ATP10A: variants seen among roughly 807,000 people sequenced by gnomAD.
The protein encoded by ATP10A is phospholipid-transporting ATPase VA.
Under a neutral mutation model 147.8 loss-of-function variants are expected in ATP10A, and 111 were observed. That is an observed-to-expected ratio of 0.75 (90% CI 0.64 to 0.88). ATP10A has a LOEUF of 0.88. Among genes scored for constraint, ATP10A ranks in the 40% least tolerant of loss-of-function variants. The pLI is 0.00. For missense variants in ATP10A, 1,927 were observed against 1,959.0 expected (o/e 0.98, Z 0.31); for synonymous variants, 875 against 841.6 (o/e 1.04, Z -0.69).
intron 1 of ATP10A, among the ~76,000 whole-genome samples, chr15:25,808,533 C>T (rs190999212): frequency 1.4e-3 from 218 of 152,298 alleles, no homozygotes; most frequent in Non-Finnish European, 1.7e-3. Flanking sequence ...TACAGGCATG[C>T]GCCACCACGC....
intron 1 of ATP10A, among the ~76,000 whole-genome samples, chr15:25,801,099 G>C: frequency 6.6e-6 from 1 of 152,176 alleles, no homozygotes; most frequent in East Asian, 1.9e-4. Context: ...AGGTGCACAA[G>C]GGGTATCCCA....
At chr15:25,798,861 C>T (rs1430542615) in intron 1 of ATP10A, among the ~76,000 whole-genome samples, 12 of 152,168 alleles carry the variant, frequency 7.9e-5, no homozygotes, top group East Asian at 1.9e-4. Flanking sequence ...GTGCGCCTCC[C>T]GCATCCACCA....
chr15:25,718,632 G>A (rs986428425), intron 7 of ATP10A, among the ~76,000 whole-genome samples: 39 of 152,144 alleles, frequency 2.6e-4, no homozygotes, highest in African/African-American at 8.9e-4. Flanking sequence ...CTCAGAGAAC[G>A]TAAGGAGCTT....
chr15:25,779,793 A>C (rs1449491958), intron 2 of ATP10A, among the ~76,000 whole-genome samples: 1 of 152,144 alleles, frequency 6.6e-6, no homozygotes, highest in African/African-American at 2.4e-5. Context: ...GCCTTATTCC[A>C]AAAAGATTTG....
chr15:25,731,076 C>T (rs1902954829), intron 3 of ATP10A, among the ~76,000 whole-genome samples: 1 of 152,154 alleles, frequency 6.6e-6, no homozygotes, highest in South Asian at 2.1e-4. Context: ...TAGTGACAGC[C>T]CTGCTGTCTT....
At chr15:25,688,001 C>A (rs895776701) in intron 15 of ATP10A, 173 bp from the exon 16 acceptor site, 1 of 797,902 alleles carries the variant, frequency 1.3e-6, no homozygotes, top group South Asian at 1.5e-5. Flanking sequence ...CATCTCCTTC[C>A]GTTACAAAAG....
rs772163085 is a variant in ATP10A, at chr15:25,718,365, C to CGA, written c.1396_1397dup (p.Glu467ArgfsTer76). The CGA allele has an allele frequency of 3.7e-6, 6 of 1,607,672 alleles. No individual in the cohort carries two copies. The African/African-American group carries it at 8.0e-5, about 21-fold the overall frequency. On this transcript the variant is annotated frameshift_variant, in exon 8 of 21. Transcript: ENST00000555815. LOFTEE classifies it high-confidence loss of function. ...CTCTGGGCACCACCTCCTCCTCCTC[C>CGA]GAGTCTGCCTCTTGGTACCTGGCCA...
intron 14 of ATP10A, 23 bp downstream of exon 14, chr15:25,694,796 G>C: frequency 3.2e-6 from 5 of 1,581,608 alleles, no homozygotes; most frequent in Non-Finnish European, 4.3e-6. Context: ...GGAGGAGGCC[G>C]TCTGGCCAGC....
chr15:25,739,043 G>C (rs571341184), intron 2 of ATP10A, among the ~76,000 whole-genome samples: 2 of 152,120 alleles, frequency 1.3e-5, no homozygotes. Context: ...AGATTCTATA[G>C]AAACGTCCCC....
At chr15:25,829,883 A>T (rs1047365979) in intron 1 of ATP10A, among the ~76,000 whole-genome samples, 9 of 152,290 alleles carry the variant, frequency 5.9e-5, no homozygotes, top group South Asian at 2.1e-4. Context: ...ACTCCCAGGG[A>T]AGGGAAGACA....
At chr15:25,695,195 A>T (rs1900254275) in intron 13 of ATP10A, 49 bp from the exon 14 acceptor site, 1 of 1,528,120 alleles carries the variant, frequency 6.5e-7, no homozygotes, top group Non-Finnish European at 8.9e-7. Context: ...GTCATGCCAC[A>T]AACATCCCCG....
chr15:25,727,413 G>A (rs1312952895), intron 3 of ATP10A, 147 bp from the exon 4 acceptor site: 8 of 658,196 alleles, frequency 1.2e-5, no homozygotes, highest in South Asian at 3.8e-5. Flanking sequence ...GGGGGCCCCC[G>A]AGAGTGGGTG....
intron 2 of ATP10A, among the ~76,000 whole-genome samples, chr15:25,751,224 T>C (rs892033510): frequency 1.3e-5 from 2 of 152,102 alleles, no homozygotes. Context: ...CAGGGATTTA[T>C]AAAAGGGCCA....
At chr15:25,730,776 A>G (rs1409057858) in intron 3 of ATP10A, among the ~76,000 whole-genome samples, 1 of 152,218 alleles carries the variant, frequency 6.6e-6, no homozygotes, top group Non-Finnish European at 1.5e-5. Context: ...TAAATAATAA[A>G]TAAAAATAAA....
chr15:25,850,771 G>C (rs913877215), intron 1 of ATP10A, among the ~76,000 whole-genome samples: 37 of 151,994 alleles, frequency 2.4e-4, no homozygotes, highest in African/African-American at 8.7e-4. Context: ...GATCACATCT[G>C]AACAAAGGAT....
At position 25,679,162 on chromosome 15, in the gene ATP10A, T is replaced by C. The variant is rs1899219717; in HGVS notation, c.*179A>G. On this transcript the variant is annotated 3_prime_UTR_variant, in exon 21 of 21. Coordinates refer to ENST00000555815, the MANE Select transcript of ATP10A (RefSeq NM_024490.4). ...TATGTTAAGGCTCTTCTTTTTCTTTTCAATATACTCTACTTAGAATTTTAA... is the reference window on the plus strand; with the variant it reads ...TATGTTAAGGCTCTTCTTTTTCTTTCCAATATACTCTACTTAGAATTTTAA... 2 of 385,342 alleles carry C rather than the reference T, an allele frequency of 5.2e-6. No homozygotes were observed. The highest frequency in any genetic ancestry group is 5.0e-5 in the East Asian group (1 of 20,030). 23.9% of individuals were successfully genotyped at this position (385,342 alleles called of 1,614,324 possible).
chr15:25,694,908 G>C lies in ATP10A; in HGVS notation c.2999C>G (p.Ser1000Cys). ...KFLFLAKQCR[S>C]VLCCRSTPLQ... ...AGGCGTCGACCGACAGCAGAGGACGGAGCGGCACTGCTTGGCAAGGAAGAG... is the reference window on the plus strand; with the variant it reads ...AGGCGTCGACCGACAGCAGAGGACGCAGCGGCACTGCTTGGCAAGGAAGAG... The change falls in exon 14 of 21, where the codon TCC becomes TGC. Residue 1000 changes from serine (S) to cysteine (C), a missense_variant. Ser to Cys is a moderately radical substitution (Grantham distance 112, BLOSUM62 -1). Coordinates refer to ENST00000555815, the MANE Select transcript of ATP10A (RefSeq NM_024490.4). 1 of 1,614,192 alleles carries C rather than the reference G, an allele frequency of 6.2e-7. No individual in the cohort carries two copies. The highest frequency in any genetic ancestry group is 2.2e-5 in the East Asian group (1 of 44,860).
At chr15:25,729,962 G>A (rs1902857552) in intron 3 of ATP10A, among the ~76,000 whole-genome samples, 1 of 152,086 alleles carries the variant, frequency 6.6e-6, no homozygotes, top group Non-Finnish European at 1.5e-5. Flanking sequence ...GGGGATGACA[G>A]GAAGGACACT....
chr15:25,801,559 C>T (rs1024364570), intron 1 of ATP10A, among the ~76,000 whole-genome samples: 13 of 152,326 alleles, frequency 8.5e-5, no homozygotes, highest in African/African-American at 3.1e-4. Context: ...ATGCTCACTC[C>T]TGGTCAACTC....
Sources: allele counts gnomAD v4.1 joint callset (sites outside exome capture counted in the v4.1 genomes callset), GRCh38; gene constraint gnomAD v4.1.1; transcripts MANE v1.5; gene names NCBI Gene and HGNC (gene_info 2026-07-23, HGNC 2026-07-21).